The following CHRNA2 variants were observed in gnomAD, a reference collection of about 807,000 sequenced individuals.
The protein encoded by CHRNA2 is cholinergic receptor nicotinic alpha 2 subunit, also known as neuronal acetylcholine receptor subunit alpha-2.
CHRNA2 carries 40 observed loss-of-function variants against 45.5 expected under a neutral mutation model. The ratio of observed to expected loss-of-function variants is 0.88; its 90% CI spans 0.68 to 1.15. The LOEUF (loss-of-function observed/expected upper bound fraction) is 1.15. CHRNA2 is among the 50% of genes most tolerant of loss of function. The pLI, the probability that CHRNA2 is intolerant of heterozygous loss-of-function variation, is 0.00. For missense variants in CHRNA2, 655 were observed against 701.7 expected (o/e 0.93, Z 0.75); for synonymous variants, 301 against 296.7 (o/e 1.01, Z -0.15).
rs371885696 is a variant in CHRNA2, at chr8:27,472,850, C to T, written c.-136-1656G>A. On this transcript the variant is annotated intron_variant, in intron 1 of 6. Transcript: ENST00000407991. ...GTTATTATTAAAAAATAAACAAACA[C>T]CTCATGGATTAAGAAGCAGCAGCTA... 7.2e-5 allele frequency among the ~76,000 whole-genome samples: 11 copies of T among 152,152 alleles called. 1 individual carries two copies. The highest frequency in any genetic ancestry group is 3.9e-4 in the Admixed American group (6 of 15,290).
chr8:27,478,783 T>A (rs1813137434), intron 1 of CHRNA2, 41 bp downstream of exon 1: 1 of 152,180 alleles, frequency 6.6e-6, no homozygotes, highest in African/African-American at 2.4e-5. Flanking sequence ...GCTCTCCACA[T>A]GCATGCCGCC....
intron 6 of CHRNA2, among the ~76,000 whole-genome samples, chr8:27,462,218 G>A (rs565974613): frequency 1.1e-4 from 17 of 152,344 alleles, no homozygotes; most frequent in Middle Eastern, 3.4e-3. Context: ...GGGGTGGGGC[G>A]GGGGCTTTGT....
At chr8:27,476,310 C>A (rs1437380300) in intron 1 of CHRNA2, among the ~76,000 whole-genome samples, 1 of 152,196 alleles carries the variant, frequency 6.6e-6, no homozygotes, top group East Asian at 1.9e-4. Context: ...TGACTTTATT[C>A]ATTTAGCCCC....
chr8:27,463,563 C>T lies in CHRNA2; in HGVS notation c.880G>A (p.Gly294Ser), dbSNP rs1039488837. 9.3e-6 allele frequency: 15 copies of T among 1,614,030 alleles called. No homozygotes were observed. Among genetic ancestry groups the T allele is most frequent in the Admixed American group, 5.0e-5 (3 of 60,004 alleles). The change falls in exon 6 of 7, where the codon GGC becomes AGC. Residue 294 changes from glycine to serine, a missense_variant. Gly to Ser is a moderately conservative substitution (Grantham distance 56). This residue lies in a region of CHRNA2 where 37 missense variants were observed against 66.8 expected (regional missense o/e 0.55). Transcript: ENST00000407991. This position sits in a 1 kb window ranked among gnomAD's most constrained non-coding sequence, Gnocchi z 6.1. ...VLVFYLPSDC[G>S]EKITLCISVL... The stretch of plus-strand genomic sequence containing the variant: ...GAAATGCACAGCGTGATCTTCTCGC[C>T]GCAGTCGGAGGGCAGGTAGAAGACC...
chr8:27,469,543 G>T (rs1190115920), intron 3 of CHRNA2, 164 bp from the exon 4 acceptor site: 1 of 897,290 alleles, frequency 1.1e-6, no homozygotes, highest in Non-Finnish European at 1.8e-6. Flanking sequence ...ATTCTCCAGG[G>T]TCACACAGGC....
chr8:27,465,850 G>C (rs552681551), intron 5 of CHRNA2, among the ~76,000 whole-genome samples: 5 of 152,314 alleles, frequency 3.3e-5, no homozygotes, highest in Admixed American at 2.6e-4. Context: ...AACCTTGAGT[G>C]GGGTATCTGG....
At chr8:27,464,231 G>C (rs1484605231) in intron 5 of CHRNA2, among the ~76,000 whole-genome samples, 1 of 151,910 alleles carries the variant, frequency 6.6e-6, no homozygotes. Context: ...ATAGAAGGAA[G>C]TACCAAGAAT....
chr8:27,475,625 T>C (rs1813038314), intron 1 of CHRNA2: 1 of 152,220 alleles, frequency 6.6e-6, no homozygotes, highest in African/African-American at 2.4e-5. Context: ...TGGACAGTGG[T>C]GATGTCTACA....
At position 27,469,898 on chromosome 8, in the gene CHRNA2, C is replaced by T. The variant is rs1173060055; in HGVS notation, c.157G>A (p.Gly53Ser). 7 of 1,614,184 alleles carry T rather than the reference C, an allele frequency of 4.3e-6. No homozygotes were observed. In the South Asian group the frequency reaches 5.5e-5, roughly 13 times the overall value. Residue 53 changes from glycine (G) to serine (S), a missense_variant, in exon 3 of 7, where the codon GGC becomes AGC. Gly to Ser is a moderately conservative substitution (Grantham distance 56). This residue lies in a region of CHRNA2 where 323 missense variants were observed against 354.4 expected (regional missense o/e 0.91). Coordinates refer to ENST00000407991, the MANE Select transcript of CHRNA2 (RefSeq NM_000742.4). The part of the protein sequence containing the change: ...SPSPTALPQG[G>S]SHTETEDRLF... ...CGGTCCTCAGTCTCGGTATGCGAGCCTCCCTGCGGCAATGCCGTGGGACTG... is the reference window on the plus strand; with the variant it reads ...CGGTCCTCAGTCTCGGTATGCGAGCTTCCCTGCGGCAATGCCGTGGGACTG...
intron 5 of CHRNA2, 26 bp downstream of exon 5, chr8:27,467,203 C>A: frequency 6.3e-7 from 1 of 1,587,502 alleles, no homozygotes; most frequent in African/African-American, 1.3e-5. Context: ...TCCCCTCATC[C>A]CCCCAGGACC....
At chr8:27,472,636 T>C (rs928772242) in intron 1 of CHRNA2, among the ~76,000 whole-genome samples, 1 of 152,200 alleles carries the variant, frequency 6.6e-6, no homozygotes, top group Non-Finnish European at 1.5e-5. Flanking sequence ...GATTAGTGGT[T>C]GCAGGGGCAG....
chr8:27,478,217 T>C (rs2741338), intron 1 of CHRNA2, among the ~76,000 whole-genome samples: 49,285 of 152,114 alleles, frequency 0.32, 8,778 homozygotes, highest in African/African-American at 0.47. Flanking sequence ...GAAACCAGTA[T>C]GATTTCTTCT....
In CHRNA2 at chr8:27,467,223, T is replaced by C. The variant is rs765451065; in HGVS notation, c.449+6A>G. ...TCATCCCCCCAGGACCCCAATGGCT[T>C]CCTACTTGTTGTAGAGAACAATGTC... On this transcript the variant is annotated splice_donor_region_variant and intron_variant, in intron 5 of 6. Transcript: ENST00000407991. The C allele has an allele frequency of 6.2e-7, 1 of 1,610,024 alleles. No individual in the cohort carries two copies. The highest frequency in any genetic ancestry group is 8.5e-7 in the Non-Finnish European group (1 of 1,176,256).
chr8:27,473,528 C>CCA (rs1554516126), intron 1 of CHRNA2, among the ~76,000 whole-genome samples: 2 of 119,678 alleles, frequency 1.7e-5, no homozygotes, highest in Non-Finnish European at 3.6e-5. Context: ...AGTGAGACCC[C>CCA]CCCCGCCGTC....
At chr8:27,471,948 A>C (rs1232571556) in intron 1 of CHRNA2, among the ~76,000 whole-genome samples, 1 of 152,176 alleles carries the variant, frequency 6.6e-6, no homozygotes, top group Non-Finnish European at 1.5e-5. Context: ...TCAAACCTCC[A>C]GGGACAGGAG....
chr8:27,477,813 C>T (rs1174322312), intron 1 of CHRNA2, among the ~76,000 whole-genome samples: 1 of 152,020 alleles, frequency 6.6e-6, no homozygotes, highest in East Asian at 1.9e-4. Context: ...GAATGGGGTA[C>T]ACAGAGAAGC....
chr8:27,477,306 G>T (rs893177223), intron 1 of CHRNA2: 2 of 152,168 alleles, frequency 1.3e-5, no homozygotes, highest in Admixed American at 6.6e-5. Context: ...ATTCTAGCAG[G>T]TTCCTCTAGT....
At chr8:27,474,265 A>G (rs1195755616) in intron 1 of CHRNA2, among the ~76,000 whole-genome samples, 1 of 152,226 alleles carries the variant, frequency 6.6e-6, no homozygotes, top group Non-Finnish European at 1.5e-5. Flanking sequence ...TATACTGACT[A>G]CAGCACAGAC....
intron 1 of CHRNA2, among the ~76,000 whole-genome samples, chr8:27,473,810 C>G (rs1025643817): frequency 1.2e-4 from 18 of 152,194 alleles, no homozygotes; most frequent in Non-Finnish European, 1.2e-4. Flanking sequence ...TCATCCCCCC[C>G]GTCCACTCTG....
Sources: allele counts gnomAD v4.1 joint callset (sites outside exome capture counted in the v4.1 genomes callset), GRCh38; gene constraint gnomAD v4.1.1; regional missense constraint gnomAD v4.1.1; non-coding constraint Gnocchi (gnomAD v3.1); transcripts MANE v1.5; gene names NCBI Gene and HGNC (gene_info 2026-07-23, HGNC 2026-07-21).